Variants in NEB observed in about 807,000 individuals in gnomAD.
The protein encoded by NEB is nemaline myopathy type 2.
NEB carries 512 observed loss-of-function variants against 952.2 expected under a neutral mutation model. The ratio of observed to expected loss-of-function variants is 0.54; its 90% CI spans 0.50 to 0.58. The LOEUF is 0.58. Among genes scored for constraint, NEB ranks in the 20% least tolerant of loss-of-function variants. The pLI, the probability that NEB is intolerant of heterozygous loss-of-function variation, is 0.00. For synonymous variants in NEB, 2,900 were observed against 3,149.8 expected, an observed-to-expected ratio of 0.92 and a Z score of 2.66; for missense variants, 8,428 against 9,231.1, an observed-to-expected ratio of 0.91 and a Z score of 3.56.
rs1383512941 is a variant in NEB, at chr2:151,576,190, T to G, written c.16869A>C (p.Glu5623Asp). The stretch of plus-strand genomic sequence containing the variant: ...CAGCATTTGATTTAGCAAGGACCAC[T>G]TCAGGTGTGTCAACAATGCTTGTGT... ...LKYTSIVDTP[E>D]VVLAKSNAEN... Residue 5623 changes from glutamate to aspartate, a missense_variant, in exon 106 of 182, where the codon GAA (glutamate) becomes GAC (aspartate). By Grantham distance (45) the Glu-to-Asp change is conservative (BLOSUM62 2). Around this residue, in one of 11 missense-constraint regions of NEB, gnomAD observed 3,374 missense variants for 3,651.5 expected, o/e 0.92. Transcript: ENST00000397345. 1.2e-6 allele frequency: 2 copies of G among 1,609,732 alleles called. No homozygotes were observed. The highest frequency in any genetic ancestry group is 2.7e-5 in the African/African-American group (2 of 74,848).
chr2:151,620,227 T>C (rs1476729822), intron 72 of NEB, among the ~76,000 whole-genome samples: 1 of 151,262 alleles, frequency 6.6e-6, no homozygotes, highest in Non-Finnish European at 1.5e-5. Flanking sequence ...GTTTAAGTTT[T>C]ACAAGATGAA....
chr2:151,524,654 CTTTTTTTTT>C (rs5835371), intron 151 of NEB, 38 bp from the exon 152 acceptor site: 32 of 257,346 alleles, frequency 1.2e-4, no homozygotes, highest in South Asian at 1.8e-4. Flanking sequence ...AAGAGAGAGG[CTTTTTTTTT>C]TTTTTTTTTT....
At chr2:151,655,415 G>T in intron 50 of NEB, 41 bp from the exon 51 acceptor site, 1 of 1,174,836 alleles carries the variant, frequency 8.5e-7, no homozygotes, top group South Asian at 1.5e-5. Context: ...TGAATAACTG[G>T]GACAAGCAGG....
Position 151,671,090 on chromosome 2 carries a change from T to G in NEB, c.4439A>C (p.Lys1480Thr), listed in dbSNP as rs754279354. 6.2e-7 allele frequency: 1 copy of G among 1,614,020 alleles called. No individual in the cohort carries two copies. The highest frequency in any genetic ancestry group is 1.3e-5 in the African/African-American group (1 of 75,058). ...CATGGAATCAGGCACACTTGTGAAC[T>G]TGACGGTATCTGGGTGCTGTCGATA... Reference protein sequence around the residue: ...RKYRQHPDTVKFTSVPDSMGM... With the variant: ...RKYRQHPDTVTFTSVPDSMGM... Residue 1480 changes from lysine (K) to threonine (T), a missense_variant, in exon 38 of 182, where the codon AAG becomes ACG. Physicochemically the swap from Lys to Thr is moderately conservative, Grantham distance 78. Coordinates refer to ENST00000397345, the MANE Select transcript of NEB (RefSeq NM_001164508.2).
rs916937745 is a variant in NEB, at chr2:151,629,546, A to G, written c.9824T>C (p.Ile3275Thr). 15 of 1,612,128 alleles carry G rather than the reference A, an allele frequency of 9.3e-6. No individual in the cohort carries two copies. The highest frequency in any genetic ancestry group is 8.0e-5 in the African/African-American group (6 of 74,892). Reference sequence around the variant, plus strand: ...TAGGGTGTTGCTACTCACATCACTGATAACGTCCCTGGAGGCCTTGGCAGC... The same window carrying G: ...TAGGGTGTTGCTACTCACATCACTGGTAACGTCCCTGGAGGCCTTGGCAGC... ...IVAAKASRDV[I>T]SDYKYKDGYR... is the part of the protein sequence containing the mutation. The change falls in exon 68 of 182, where the codon ATC (isoleucine) becomes ACC (threonine). Residue 3275 changes from isoleucine to threonine, a missense_variant. Around this residue, in one of 11 missense-constraint regions of NEB, gnomAD observed 1,772 missense variants for 1,960.3 expected, o/e 0.90. Transcript: ENST00000397345.
At chr2:151,710,682 T>A in intron 10 of NEB, 144 bp from the exon 11 acceptor site, 1 of 527,162 alleles carries the variant, frequency 1.9e-6, no homozygotes, top group East Asian at 3.1e-5. Flanking sequence ...AAAAAAAATC[T>A]TCCAATGTAC....
rs1000156032 is a variant in NEB at position 151,688,271 on chromosome 2, T to C, written c.2415+21A>G. ...CTTTTCATGTACACCAAACATAGGC[T>C]TCTGTGGCTTTGGTACTTACATCAC... On this transcript the variant is annotated intron_variant, in intron 25 of 181. Transcript: ENST00000397345. The C allele has an allele frequency of 7.2e-6, 11 of 1,531,786 alleles. No individual in the cohort carries two copies. In the Admixed American group the frequency reaches 1.2e-4, roughly 16 times the overall value. 94.9% of individuals were successfully genotyped at this position (1,531,786 alleles called of 1,614,324 possible). A position where few individuals can be genotyped will look rare whatever the true frequency, so the allele number is the denominator to read the frequency against.
In NEB at chr2:151,560,599, G is replaced by T; in HGVS notation, c.19307C>A (p.Ala6436Asp). 1 of 1,609,874 alleles carries T rather than the reference G, an allele frequency of 6.2e-7. No homozygotes were observed. Among genetic ancestry groups the T allele is most frequent in the South Asian group, 1.1e-5 (1 of 89,994 alleles). The change falls in exon 124 of 182, where the codon GCC (alanine) becomes GAC (aspartate). Residue 6436 changes from alanine to aspartate, a missense_variant. By Grantham distance (126) the Ala-to-Asp change is moderately radical. Coordinates refer to ENST00000397345, the MANE Select transcript of NEB (RefSeq NM_001164508.2). ...LTHAKNQKHLASHIKYREEYE... is the reference protein window; with the variant it reads ...LTHAKNQKHLDSHIKYREEYE... ...TGTTTTTGCTTTACTTACATGGCTGGCCAGATGCTTCTGGTTCTTGGCGTG... is the reference window on the plus strand; with the variant it reads ...TGTTTTTGCTTTACTTACATGGCTGTCCAGATGCTTCTGGTTCTTGGCGTG...
chr2:151,637,380 A>G (rs1037713662), intron 63 of NEB, among the ~76,000 whole-genome samples: 2 of 152,212 alleles, frequency 1.3e-5, no homozygotes, highest in African/African-American at 2.4e-5. Context: ...GAAGTGGGTG[A>G]GGCCCCAGGG....
Position 151,724,856 on chromosome 2 carries a change from C to T in NEB, c.507+1G>A, listed in dbSNP as rs1553689057. ...CCCAGCCATCCATATCATTGCCTTACCTTACTGACTTGCTGCGACACTTTC... is the reference window on the plus strand; with the variant it reads ...CCCAGCCATCCATATCATTGCCTTATCTTACTGACTTGCTGCGACACTTTC... On this transcript the variant is annotated splice_donor_variant, in intron 7 of 181. Coordinates refer to ENST00000397345, the MANE Select transcript of NEB (RefSeq NM_001164508.2). LOFTEE classifies it high-confidence loss of function. 1 of 1,611,996 alleles carries T rather than the reference C, an allele frequency of 6.2e-7. No homozygotes were observed. The highest frequency in any genetic ancestry group is 8.5e-7 in the Non-Finnish European group (1 of 1,178,572).
chr2:151,723,751 T>G (rs74586903), intron 8 of NEB, among the ~76,000 whole-genome samples: 1,289 of 84,420 alleles, frequency 0.015, 21 homozygotes, highest in African/African-American at 0.074. Context: ...GCCTTCTTTG[T>G]TTTTTTTTTT....
rs929234690 is a variant in NEB at position 151,489,851 on chromosome 2, G to T, written c.25404+120C>A. On this transcript the variant is annotated intron_variant, in intron 181 of 181. Transcript: ENST00000397345. ...CATTAATATGAAACATGTAATAAAA[G>T]AGCATTATATAAAATAGAAGGTTTG... 4 of 592,354 alleles carry T rather than the reference G, an allele frequency of 6.8e-6. No individual in the cohort carries two copies. In the South Asian group the frequency reaches 9.1e-5, roughly 13 times the overall value. 36.7% of individuals were successfully genotyped at this position (592,354 alleles called of 1,614,324 possible). A position where few individuals can be genotyped will look rare whatever the true frequency, so the allele number is the denominator to read the frequency against.
chr2:151,577,200 T>C lies in NEB; in HGVS notation c.16705-846A>G, dbSNP rs377103164. On this transcript the variant is annotated intron_variant, in intron 105 of 181. Transcript: ENST00000397345. Reference sequence around the variant, plus strand: ...CCATCCTATGGCTTCCCATCGGTCATAGGATAAACATCAAAATCCCTGACA... The same window carrying C: ...CCATCCTATGGCTTCCCATCGGTCACAGGATAAACATCAAAATCCCTGACA... 2.0e-4 allele frequency among the ~76,000 whole-genome samples: 31 copies of C among 152,312 alleles called. No homozygotes were observed. The East Asian group carries it at 4.6e-3, about 23-fold the overall frequency.
intron 179 of NEB, chr2:151,491,385 T>C (rs2056521645): frequency 3.6e-6 from 1 of 278,438 alleles, no homozygotes; most frequent in South Asian, 4.3e-5. Flanking sequence ...CCTATGTATT[T>C]TATGTATTTT....
intron 52 of NEB, among the ~76,000 whole-genome samples, chr2:151,652,277 G>A (rs1159208680): frequency 6.6e-6 from 1 of 152,050 alleles, no homozygotes; most frequent in Admixed American, 6.6e-5. Flanking sequence ...CCAGGCTGGA[G>A]TGCAGTGGTG....
chr2:151,668,973 A>C (rs2099253251), intron 39 of NEB, 54 bp downstream of exon 39: 3 of 1,319,492 alleles, frequency 2.3e-6, no homozygotes, highest in Non-Finnish European at 2.1e-6. Flanking sequence ...AGTTGCAAAG[A>C]ACCAGAAAGG....
chr2:151,697,837 C>A (rs1576727218), intron 13 of NEB, among the ~76,000 whole-genome samples, 189 bp from the exon 14 acceptor site: 1 of 152,162 alleles, frequency 6.6e-6, no homozygotes, highest in Non-Finnish European at 1.5e-5. Context: ...GAGGCCGAGG[C>A]GGGCGGATCA....
chr2:151,725,213 G>C (rs1460729881), intron 6 of NEB, among the ~76,000 whole-genome samples: 1 of 152,250 alleles, frequency 6.6e-6, no homozygotes, highest in Non-Finnish European at 1.5e-5. Context: ...GAACCACAGT[G>C]AGTTGGAGCT....
At chr2:151,702,615 A>G (rs538790617) in intron 13 of NEB, among the ~76,000 whole-genome samples, 147 of 151,888 alleles carry the variant, frequency 9.7e-4, no homozygotes, top group Middle Eastern at 3.4e-3. Flanking sequence ...CTTTACCATT[A>G]TGTAATGGCC....
Sources: allele counts gnomAD v4.1 joint callset (sites outside exome capture counted in the v4.1 genomes callset), GRCh38; gene constraint gnomAD v4.1.1; regional missense constraint gnomAD v4.1.1; transcripts MANE v1.5; gene names NCBI Gene and HGNC (gene_info 2026-07-23, HGNC 2026-07-21).